NCAM1: variants seen among roughly 807,000 people sequenced by gnomAD.
The protein encoded by NCAM1 is antigen recognized by monoclonal antibody 5.1H11.
A neutral mutation model predicts 109.8 loss-of-function variants in NCAM1; 14 were observed. That is an observed-to-expected ratio of 0.13 (90% CI 0.08 to 0.20). The LOEUF is 0.20. Ranked by LOEUF, NCAM1 falls within the 10% of genes least tolerant of loss-of-function variation. The pLI is 1.00. For synonymous variants in NCAM1, 418 were observed against 442.9 expected, an observed-to-expected ratio of 0.94 and a Z score of 0.70; for missense variants, 774 against 1,109.9, an observed-to-expected ratio of 0.70 and a Z score of 4.30.
intron 1 of NCAM1, among the ~76,000 whole-genome samples, chr11:113,087,929 G>A (rs76690063): frequency 0.052 from 7,841 of 152,244 alleles, 581 homozygotes; most frequent in Admixed American, 0.17. Flanking sequence ...GTAGCTGGCA[G>A]GGTAGCATTT....
intron 1 of NCAM1, among the ~76,000 whole-genome samples, chr11:113,008,393 T>G (rs547440100): frequency 6.6e-6 from 1 of 152,210 alleles, no homozygotes; most frequent in Non-Finnish European, 1.5e-5. Flanking sequence ...TGGTAATACA[T>G]GGCTATAATG....
intron 15 of NCAM1, among the ~76,000 whole-genome samples, chr11:113,248,891 G>A (rs1277837356): frequency 6.6e-6 from 1 of 152,182 alleles, no homozygotes; most frequent in Non-Finnish European, 1.5e-5. Context: ...AAGAAGAAGT[G>A]AGGATGCAAA....
chr11:113,062,385 T>C (rs1409249905), intron 1 of NCAM1, among the ~76,000 whole-genome samples: 1 of 152,138 alleles, frequency 6.6e-6, no homozygotes, highest in Non-Finnish European at 1.5e-5. Context: ...TCAGCGAGCA[T>C]AATGTTTTCA....
At chr11:112,970,537 T>A (rs1388413144) in intron 1 of NCAM1, among the ~76,000 whole-genome samples, 1 of 152,160 alleles carries the variant, frequency 6.6e-6, no homozygotes, top group African/African-American at 2.4e-5. Flanking sequence ...ATTCGAAAGA[T>A]CTGGGTTCAA....
intron 14 of NCAM1, chr11:113,236,221 C>T (rs1024229931): frequency 6.9e-7 from 1 of 1,457,310 alleles, no homozygotes; most frequent in African/African-American, 1.4e-5. Flanking sequence ...CTATTCATTT[C>T]TTTTACATCT....
chr11:113,171,987 C>G (rs560207767), intron 1 of NCAM1, among the ~76,000 whole-genome samples: 1 of 152,136 alleles, frequency 6.6e-6, no homozygotes, highest in Admixed American at 6.5e-5. Flanking sequence ...TATGCTACCA[C>G]GAGTTAAGGA....
intron 1 of NCAM1, among the ~76,000 whole-genome samples, chr11:113,045,517 C>T (rs1371588570): frequency 3.3e-5 from 5 of 152,194 alleles, no homozygotes; most frequent in African/African-American, 7.2e-5. Flanking sequence ...GAACCACATT[C>T]GCGAGCTTGC....
intron 1 of NCAM1, among the ~76,000 whole-genome samples, chr11:113,017,084 A>G (rs1952225464): frequency 6.6e-6 from 1 of 152,162 alleles, no homozygotes; most frequent in Admixed American, 6.5e-5. Flanking sequence ...ACGTGTTGCA[A>G]CAACCTATGA....
intron 1 of NCAM1, among the ~76,000 whole-genome samples, chr11:113,006,847 A>G (rs546496361): frequency 2.6e-5 from 4 of 152,292 alleles, no homozygotes; most frequent in Admixed American, 1.3e-4. Context: ...TTCTTGCATA[A>G]TATAATCTTA....
At chr11:113,063,719 C>G (rs1937792949) in intron 1 of NCAM1, among the ~76,000 whole-genome samples, 2 of 152,152 alleles carry the variant, frequency 1.3e-5, no homozygotes, top group Non-Finnish European at 2.9e-5. Flanking sequence ...CTTGTCTATG[C>G]TAAGAACATA....
rs185729596 is a variant in NCAM1 at position 113,236,225 on chromosome 11, T to C, written c.1825+1061T>C. On this transcript the variant is annotated intron_variant, in intron 14 of 19. Transcript: ENST00000316851. ...CTCTGCGGATTCTATTCATTTCTTTTACATCTTATTTTTTTTTTCTTGGGT... is the reference window on the plus strand; with the variant it reads ...CTCTGCGGATTCTATTCATTTCTTTCACATCTTATTTTTTTTTTCTTGGGT... 41 of 1,474,794 alleles carry C rather than the reference T, an allele frequency of 2.8e-5. No homozygotes were observed. In the East Asian group the frequency reaches 8.4e-4, roughly 30 times the overall value. The allele number at this position is 1,474,794 out of a possible 1,614,324, so 91.4% of individuals were successfully genotyped here. A position where few individuals can be genotyped will look rare whatever the true frequency, so the allele number is the denominator to read the frequency against.
rs142226245 is a variant in NCAM1, at chr11:113,060,375, C to T, written c.52+98711C>T. ...TTAGGATACAGTGTAGCCATCTTCA[C>T]TTAAAAGTCCTAATTCAGGACATAA... On this transcript the variant is annotated intron_variant, in intron 1 of 19. Transcript: ENST00000316851. 3.9e-3 allele frequency among the ~76,000 whole-genome samples: 598 copies of T among 152,296 alleles called. 3 individuals carry two copies. The highest frequency in any genetic ancestry group is 0.014 in the African/African-American group (574 of 41,570).
intron 1 of NCAM1, among the ~76,000 whole-genome samples, chr11:113,190,505 C>T (rs117340843): frequency 0.012 from 1,755 of 152,294 alleles, 8 homozygotes; most frequent in Non-Finnish European, 0.017. Flanking sequence ...TCTCCCCTCT[C>T]CACACCCAGC....
At chr11:113,139,695 GTAT>G (rs1460430435) in intron 1 of NCAM1, among the ~76,000 whole-genome samples, 2 of 151,530 alleles carry the variant, frequency 1.3e-5, no homozygotes, top group African/African-American at 4.8e-5. Context: ...ATAAAACCAA[GTAT>G]TATTATCTAC....
In NCAM1 at chr11:113,255,971, C is replaced by A; in HGVS notation, c.1923C>A (p.Pro641=). 4 of 1,604,718 alleles carry A rather than the reference C, an allele frequency of 2.5e-6. No homozygotes were observed. Among genetic ancestry groups the A allele is most frequent in the Non-Finnish European group, 3.4e-6 (4 of 1,175,776 alleles). The change falls in exon 16 of 20, where the codon CCC becomes CCA. Residue 641 remains proline (P), a synonymous_variant. Coordinates refer to ENST00000316851, the MANE Select transcript of NCAM1 (RefSeq NM_181351.5). ...NLIKQDDGGS[P]IRHYLVRYRA... is the part of the protein sequence containing the mutation. ...TCAAGCAGGATGACGGCGGCTCCCC[C>A]ATCAGACACTATCTGGTCAGGTACC...
intron 1 of NCAM1, among the ~76,000 whole-genome samples, chr11:113,048,655 G>C (rs530220629): frequency 6.3e-4 from 96 of 152,288 alleles, no homozygotes; most frequent in Non-Finnish European, 1.1e-3. Flanking sequence ...TCATCTGTAA[G>C]GCATCCATGG....
rs117014422 is a variant in NCAM1 at position 113,141,289 on chromosome 11, C to T, written c.53-61090C>T. On this transcript the variant is annotated intron_variant, in intron 1 of 19. Coordinates refer to ENST00000316851, the MANE Select transcript of NCAM1 (RefSeq NM_181351.5). ...TCCCTGGCATGACATGCCATCCTCC[C>T]AGTTACAGACCAGGTGGCAGTATCG... 7.6e-3 allele frequency among the ~76,000 whole-genome samples: 1,163 copies of T among 152,276 alleles called. 10 individuals carry two copies. The highest frequency in any genetic ancestry group is 0.016 in the South Asian group (79 of 4,824).
At chr11:113,064,625 T>C (rs1303686673) in intron 1 of NCAM1, among the ~76,000 whole-genome samples, 3 of 152,220 alleles carry the variant, frequency 2.0e-5, no homozygotes, top group Admixed American at 1.3e-4. Context: ...GTATCATTAC[T>C]GTCCCCATTT....
intron 1 of NCAM1, among the ~76,000 whole-genome samples, chr11:113,157,136 GACACACACACAC>G (rs112454729): frequency 6.8e-6 from 1 of 146,878 alleles, no homozygotes; most frequent in Non-Finnish European, 1.5e-5. Context: ...GTTTCCCTGA[GACACACACACAC>G]ACACACACAC....
Sources: allele counts gnomAD v4.1 joint callset (sites outside exome capture counted in the v4.1 genomes callset), GRCh38; gene constraint gnomAD v4.1.1; transcripts MANE v1.5; gene names NCBI Gene and HGNC (gene_info 2026-07-23, HGNC 2026-07-21).